Variants in RPRD1A observed in about 807,000 individuals in gnomAD.
RPRD1A encodes regulation of nuclear pre-mRNA domain-containing protein 1A.
A neutral mutation model predicts 37.8 loss-of-function variants in RPRD1A; 9 were observed. The ratio of observed to expected loss-of-function variants is 0.24; its 90% confidence interval spans 0.14 to 0.42. The LOEUF (loss-of-function observed/expected upper bound fraction) is 0.42. Ranked by LOEUF, RPRD1A falls within the 10% of genes least tolerant of loss-of-function variation. The pLI is 1.00. For missense variants in RPRD1A, 255 were observed against 371.0 expected (o/e 0.69, Z 2.57); for synonymous variants, 138 against 139.7 (o/e 0.99, Z 0.08).
At chr18:36,026,818 G>A in intron 6 of RPRD1A, 82 bp downstream of exon 6, 1 of 1,326,144 alleles carries the variant, frequency 7.5e-7, no homozygotes, top group Non-Finnish European at 1.0e-6. Context: ...TGCAAAATGT[G>A]CACATAGATT....
intron 1 of RPRD1A, among the ~76,000 whole-genome samples, chr18:36,056,369 C>A (rs1317070924): frequency 1.3e-5 from 2 of 151,868 alleles, no homozygotes; most frequent in African/African-American, 4.8e-5. Context: ...CTCACTGCAA[C>A]CTCCACCTCC....
chr18:36,067,146 T>A (rs954197802), intron 1 of RPRD1A, 108 bp downstream of exon 1: 1 of 1,244,304 alleles, frequency 8.0e-7, no homozygotes, highest in Non-Finnish European at 1.1e-6. Context: ...CACCGCGCGC[T>A]GGCATCCCGA....
At chr18:36,019,526 A>G (rs910566134) in intron 6 of RPRD1A, among the ~76,000 whole-genome samples, 4 of 152,206 alleles carry the variant, frequency 2.6e-5, no homozygotes, top group Non-Finnish European at 5.9e-5. Flanking sequence ...GCCAGGTAGT[A>G]CATGACAACC....
In RPRD1A at chr18:36,030,867, T is replaced by C. The variant is rs767204777; in HGVS notation, c.427A>G (p.Ile143Val). Reference sequence around the variant, plus strand: ...CAGTTTTCATTTTCATCCACCTTTATCTGTTCATAAGTTCGCTTCCTAGGC... The same window carrying C: ...CAGTTTTCATTTTCATCCACCTTTACCTGTTCATAAGTTCGCTTCCTAGGC... ...KKPRKRTYEQ[I>V]KVDENENCSS... Residue 143 changes from isoleucine to valine, a missense_variant, in exon 4 of 7, where the codon ATA becomes GTA. By Grantham distance (29) the Ile-to-Val change is conservative. This residue lies in a region of RPRD1A where 211 missense variants were observed against 268.9 expected (regional missense o/e 0.78). Coordinates refer to ENST00000399022, the MANE Select transcript of RPRD1A (RefSeq NM_018170.5). The C allele has an allele frequency of 1.2e-6, 2 of 1,613,452 alleles. No individual in the cohort carries two copies. Among genetic ancestry groups the C allele is most frequent in the East Asian group, 2.2e-5 (1 of 44,818 alleles).
intron 6 of RPRD1A, among the ~76,000 whole-genome samples, chr18:36,014,925 T>C (rs1232232335): frequency 3.3e-5 from 5 of 151,936 alleles, no homozygotes; most frequent in African/African-American, 1.2e-4. Context: ...ATAGCTACTA[T>C]CAACAAAGAC....
intron 4 of RPRD1A, among the ~76,000 whole-genome samples, chr18:36,028,930 A>C (rs149245184): frequency 3.9e-5 from 6 of 152,362 alleles, no homozygotes; most frequent in African/African-American, 1.2e-4. Context: ...TTACCCTTTC[A>C]TCAGGGAGAG....
intron 1 of RPRD1A, among the ~76,000 whole-genome samples, chr18:36,037,020 G>A (rs921993701): frequency 6.6e-6 from 1 of 152,140 alleles, no homozygotes; most frequent in African/African-American, 2.4e-5. Flanking sequence ...CAGGGACCAC[G>A]CTAAGTACAG....
chr18:36,065,114 C>T (rs1041098417), intron 1 of RPRD1A, among the ~76,000 whole-genome samples: 13 of 152,134 alleles, frequency 8.5e-5, no homozygotes, highest in Admixed American at 1.3e-4. Flanking sequence ...TATAACACCG[C>T]GAGGGTCCAC....
intron 6 of RPRD1A, among the ~76,000 whole-genome samples, chr18:36,014,781 C>T (rs747782504): frequency 7.9e-5 from 12 of 151,868 alleles, no homozygotes; most frequent in Non-Finnish European, 1.6e-4. Context: ...ATAAAATAGG[C>T]AAAGGACTTG....
chr18:36,013,066 G>C (rs1452022102), intron 6 of RPRD1A, among the ~76,000 whole-genome samples: 1 of 152,140 alleles, frequency 6.6e-6, no homozygotes. Context: ...GGCAAAAATA[G>C]AGGCAAGGTC....
chr18:36,065,232 A>G (rs2089005164), intron 1 of RPRD1A, among the ~76,000 whole-genome samples: 1 of 152,224 alleles, frequency 6.6e-6, no homozygotes. Flanking sequence ...ATATTTTAAT[A>G]TAGGTATCTA....
chr18:35,999,564 A>G (rs535845022), intron 6 of RPRD1A, among the ~76,000 whole-genome samples: 14 of 152,186 alleles, frequency 9.2e-5, no homozygotes, highest in Non-Finnish European at 1.5e-4. Flanking sequence ...ATATTTCTGA[A>G]ATTAAAATAT....
At chr18:35,999,319 T>G (rs1220973167) in intron 6 of RPRD1A, among the ~76,000 whole-genome samples, 2 of 152,158 alleles carry the variant, frequency 1.3e-5, no homozygotes, top group African/African-American at 4.8e-5. Context: ...TAATTAAGTC[T>G]CAGATGCCTC....
intron 1 of RPRD1A, among the ~76,000 whole-genome samples, chr18:36,050,236 T>C (rs1024482718): frequency 6.6e-6 from 1 of 151,448 alleles, no homozygotes; most frequent in Non-Finnish European, 1.5e-5. Context: ...AATTCTGTTA[T>C]ACATATTTAT....
intron 6 of RPRD1A, among the ~76,000 whole-genome samples, chr18:36,021,725 G>A (rs1195987824): frequency 6.6e-6 from 1 of 152,214 alleles, no homozygotes; most frequent in Non-Finnish European, 1.5e-5. Context: ...CAGGCCTGGT[G>A]TGGTGGCTCA....
intron 6 of RPRD1A, among the ~76,000 whole-genome samples, chr18:36,015,131 TACACACACACACACACACACAC>T (rs201284977): frequency 8.1e-6 from 1 of 122,894 alleles, no homozygotes; most frequent in African/African-American, 3.1e-5. Context: ...GGGTCTCACA[TACACACACACACACACACACAC>T]ACACATATAT....
intron 6 of RPRD1A, among the ~76,000 whole-genome samples, chr18:36,014,381 G>A (rs540325198): frequency 2.2e-4 from 34 of 152,122 alleles, no homozygotes; most frequent in Non-Finnish European, 2.9e-4. Flanking sequence ...TCTAGTTCCC[G>A]ACTATAACAA....
At chr18:36,011,065 G>C (rs934430745) in intron 6 of RPRD1A, among the ~76,000 whole-genome samples, 8 of 152,156 alleles carry the variant, frequency 5.3e-5, no homozygotes, top group African/African-American at 1.7e-4. Flanking sequence ...CTGGTTAAAC[G>C]CTAGAGATAT....
chr18:36,040,687 A>G (rs1912518294), intron 1 of RPRD1A: 1 of 541,670 alleles, frequency 1.8e-6, no homozygotes, highest in Admixed American at 3.9e-5. Context: ...GATCACAGGA[A>G]TTTTGCCTTT....
Sources: allele counts gnomAD v4.1 joint callset (sites outside exome capture counted in the v4.1 genomes callset), GRCh38; gene constraint gnomAD v4.1.1; regional missense constraint gnomAD v4.1.1; transcripts MANE v1.5; gene names NCBI Gene and HGNC (gene_info 2026-07-23, HGNC 2026-07-21).